The following ERBB4 variants were observed in gnomAD, a reference collection of about 807,000 sequenced individuals.
ERBB4 encodes the protein receptor tyrosine-protein kinase erbB-4.
A neutral mutation model predicts 158.0 loss-of-function variants in ERBB4; 42 were observed. The observed-to-expected ratio is 0.27, with a 90% CI of 0.21 to 0.34. The LOEUF (loss-of-function observed/expected upper bound fraction) is 0.34, where lower values mean the gene tolerates loss of function less well. ERBB4 is among the 10% of genes least tolerant of loss of function. ERBB4 has a pLI of 1.00. For missense variants in ERBB4, 1,333 were observed against 1,624.1 expected, an observed-to-expected ratio of 0.82 and a Z score of 3.08; for synonymous variants, 583 against 558.7, an observed-to-expected ratio of 1.04 and a Z score of -0.61.
At chr2:211,718,667 T>G (rs1312422015) in intron 7 of ERBB4, among the ~76,000 whole-genome samples, 1 of 152,074 alleles carries the variant, frequency 6.6e-6, no homozygotes, top group Admixed American at 6.5e-5. Context: ...AACACTAAAT[T>G]TATATACTAC....
At position 212,538,473 on chromosome 2, in the gene ERBB4, C is replaced by G. The variant is rs373308672; in HGVS notation, c.58G>C (p.Val20Leu). The change falls in exon 1 of 28, where the codon GTC becomes CTC. Residue 20 changes from valine to leucine, a missense_variant. By Grantham distance (32) the Val-to-Leu change is conservative. Coordinates refer to ENST00000342788, the MANE Select transcript of ERBB4 (RefSeq NM_005235.3). ...CCTGACTGAGAATCGCTGGGCTGGA[C>G]GGTCCCCGCCGCCACGAGAAGGCTC... ...WVSLLVAAGT[V>L]QPSDSQSVCA... The G allele has an allele frequency of 6.2e-7, 1 of 1,613,936 alleles. No homozygotes were observed. Among genetic ancestry groups the G allele is most frequent in the Non-Finnish European group, 8.5e-7 (1 of 1,179,844 alleles).
intron 1 of ERBB4, among the ~76,000 whole-genome samples, chr2:212,425,478 T>G (rs1473033159): frequency 6.9e-6 from 1 of 144,376 alleles, no homozygotes; most frequent in Non-Finnish European, 1.5e-5. Flanking sequence ...AGTAATTGTA[T>G]ATTTCTCCAA....
chr2:212,529,098 C>T (rs1049156911), intron 1 of ERBB4, among the ~76,000 whole-genome samples: 4 of 152,078 alleles, frequency 2.6e-5, no homozygotes, highest in Non-Finnish European at 4.4e-5. Context: ...TTATTGGCCT[C>T]ATCTATTCTT....
In ERBB4 at chr2:211,634,558, T is replaced by G. The variant is rs78938667; in HGVS notation, c.1947-3964A>C. On this transcript the variant is annotated intron_variant, in intron 16 of 27. Transcript: ENST00000342788. ...CTTAGCTCCTTTTATGAGGACCCTTTGGGTAGAGAGGAAATAGCAACCTAA... is the reference window on the plus strand; with the variant it reads ...CTTAGCTCCTTTTATGAGGACCCTTGGGGTAGAGAGGAAATAGCAACCTAA... 4.0e-3 allele frequency among the ~76,000 whole-genome samples: 603 copies of G among 152,324 alleles called. 2 individuals are homozygous for G. The highest frequency in any genetic ancestry group is 0.013 in the African/African-American group (552 of 41,584).
At chr2:211,717,866 T>TATC (rs1328741822) in intron 7 of ERBB4, among the ~76,000 whole-genome samples, 4 of 152,150 alleles carry the variant, frequency 2.6e-5, no homozygotes, top group Non-Finnish European at 5.9e-5. Flanking sequence ...CCTTATATCC[T>TATC]ATCTCTTCGA....
intron 2 of ERBB4, among the ~76,000 whole-genome samples, chr2:212,086,715 G>T (rs1010054771): frequency 6.6e-6 from 1 of 151,962 alleles, no homozygotes; most frequent in African/African-American, 2.4e-5. Context: ...ATCAGACCAG[G>T]TAAGAGAAGA....
At chr2:212,278,499 T>C (rs898421822) in intron 1 of ERBB4, among the ~76,000 whole-genome samples, 2 of 151,690 alleles carry the variant, frequency 1.3e-5, no homozygotes, top group South Asian at 2.1e-4. Context: ...AAAAATCACA[T>C]TGGGCCAAGC....
intron 3 of ERBB4, among the ~76,000 whole-genome samples, chr2:211,818,022 G>C (rs896121738): frequency 3.3e-5 from 5 of 152,100 alleles, no homozygotes; most frequent in African/African-American, 1.2e-4. Context: ...CATTGACTCT[G>C]TATCTTAATA....
At chr2:212,452,895 G>A (rs1008321926) in intron 1 of ERBB4, among the ~76,000 whole-genome samples, 1 of 151,984 alleles carries the variant, frequency 6.6e-6, no homozygotes, top group Non-Finnish European at 1.5e-5. Flanking sequence ...AAATGTAAAA[G>A]GTAGCATTAC....
chr2:211,748,531 A>G (rs2075038497), intron 5 of ERBB4, among the ~76,000 whole-genome samples: 1 of 152,154 alleles, frequency 6.6e-6, no homozygotes, highest in Admixed American at 6.5e-5. Flanking sequence ...GATCCACCCC[A>G]GTGTTTCCCA....
intron 20 of ERBB4, among the ~76,000 whole-genome samples, chr2:211,537,332 T>C (rs2066683663): frequency 6.6e-6 from 1 of 151,992 alleles, no homozygotes. Context: ...TGTTTGGAAA[T>C]TTCTATAATT....
intron 1 of ERBB4, among the ~76,000 whole-genome samples, chr2:212,232,625 G>A (rs989874296): frequency 6.6e-6 from 1 of 152,096 alleles, no homozygotes; most frequent in African/African-American, 2.4e-5. Context: ...AGCCAGGATG[G>A]TCTCCATCTC....
At chr2:211,424,974 G>C (rs1037208815) in intron 22 of ERBB4, among the ~76,000 whole-genome samples, 2 of 152,106 alleles carry the variant, frequency 1.3e-5, no homozygotes, top group Admixed American at 6.6e-5. Context: ...TTGAATCACT[G>C]GGACATTGAT....
At chr2:212,504,120 A>T (rs1043653047) in intron 1 of ERBB4, among the ~76,000 whole-genome samples, 1 of 152,162 alleles carries the variant, frequency 6.6e-6, no homozygotes, top group Admixed American at 6.5e-5. Context: ...TTACATACTG[A>T]TTAGAGACTA....
In ERBB4 at chr2:211,979,987, T is replaced by C. The variant is rs372118950; in HGVS notation, c.235-32371A>G. Among the ~76,000 whole-genome samples the C allele has an allele frequency of 6.6e-4, 100 of 152,300 alleles. 2 individuals are homozygous for C. The South Asian group carries it at 0.018, about 28-fold the overall frequency. On this transcript the variant is annotated intron_variant, in intron 2 of 27. Transcript: ENST00000342788. The stretch of plus-strand genomic sequence containing the variant: ...TTTCTTTAATATATGTCTTCAAATA[T>C]AGAAGAGTTGCTAACATGCTGAGAG...
chr2:212,328,125 CT>C (rs2087947783), intron 1 of ERBB4, among the ~76,000 whole-genome samples: 1 of 151,648 alleles, frequency 6.6e-6, no homozygotes, highest in African/African-American at 2.4e-5. Flanking sequence ...TGGTACTCAT[CT>C]GGCAGATGGG....
chr2:212,452,518 A>C (rs576400249), intron 1 of ERBB4, among the ~76,000 whole-genome samples: 1 of 152,330 alleles, frequency 6.6e-6, no homozygotes, highest in South Asian at 2.1e-4. Context: ...GTAGCTCAGG[A>C]CATTTTTATA....
chr2:211,399,344 A>C (rs966506698), intron 25 of ERBB4, among the ~76,000 whole-genome samples: 1 of 152,222 alleles, frequency 6.6e-6, no homozygotes, highest in Non-Finnish European at 1.5e-5. Context: ...CAGCAAAGAT[A>C]TATTGAATCA....
At chr2:211,919,318 C>T (rs75748624) in intron 3 of ERBB4, among the ~76,000 whole-genome samples, 7,111 of 152,080 alleles carry the variant, frequency 0.047, 226 homozygotes, top group Middle Eastern at 0.095. Flanking sequence ...TCCATGCAGA[C>T]ATCTTTACAT....
Sources: allele counts gnomAD v4.1 joint callset (sites outside exome capture counted in the v4.1 genomes callset), GRCh38; gene constraint gnomAD v4.1.1; transcripts MANE v1.5; gene names NCBI Gene and HGNC (gene_info 2026-07-23, HGNC 2026-07-21).